PCSK5: variants seen among roughly 807,000 people sequenced by gnomAD.
PCSK5 encodes the protein proprotein convertase subtilisin/kexin type 5.
A neutral mutation model predicts 233.2 loss-of-function variants in PCSK5; 129 were observed. That is an observed-to-expected ratio of 0.55 (90% CI 0.48 to 0.64). The LOEUF (loss-of-function observed/expected upper bound fraction) is 0.64, where lower values mean the gene tolerates loss of function less well. Ranked by LOEUF, PCSK5 falls within the 30% of genes least tolerant of loss-of-function variation. The pLI is 0.00. For synonymous variants in PCSK5, 825 were observed against 879.2 expected, an observed-to-expected ratio of 0.94 and a Z score of 1.09; for missense variants, 2,076 against 2,430.1, an observed-to-expected ratio of 0.85 and a Z score of 3.06.
In PCSK5 at chr9:76,358,978, C is replaced by CA. The variant is rs527381252; in HGVS notation, c.*57dup. 45 of 1,524,826 alleles carry CA rather than the reference C, an allele frequency of 3.0e-5. No individual in the cohort carries two copies. The African/African-American group carries it at 6.1e-4, about 21-fold the overall frequency. The allele number at this position is 1,524,826 out of a possible 1,614,324, so 94.5% of individuals were successfully genotyped here. ...CACTCTCAGGCATGCCTGTGAGCAT[C>CA]ACTGTTTTTGGTTTTATCCCCACAC... On this transcript the variant is annotated 3_prime_UTR_variant, in exon 38 of 38. Transcript: ENST00000674117.
At chr9:76,275,665 T>G (rs935159679) in intron 24 of PCSK5, among the ~76,000 whole-genome samples, 2 of 152,208 alleles carry the variant, frequency 1.3e-5, no homozygotes, top group African/African-American at 4.8e-5. Context: ...TCTCAAGTGA[T>G]CCACCTGCCT....
chr9:76,321,788 T>A, intron 31 of PCSK5, 149 bp downstream of exon 31: 1 of 599,782 alleles, frequency 1.7e-6, no homozygotes, highest in East Asian at 2.8e-5. Flanking sequence ...TCAGAGAAAC[T>A]GAGGGTGAGA....
At chr9:76,351,950 T>C (rs1830178706) in intron 36 of PCSK5, among the ~76,000 whole-genome samples, 1 of 152,086 alleles carries the variant, frequency 6.6e-6, no homozygotes, top group African/African-American at 2.4e-5. Flanking sequence ...TTGTCACTTC[T>C]GTGGTCACCA....
At chr9:76,168,389 C>T (rs1823179554) in intron 12 of PCSK5, among the ~76,000 whole-genome samples, 1 of 152,208 alleles carries the variant, frequency 6.6e-6, no homozygotes, top group Admixed American at 6.5e-5. Flanking sequence ...CTCAGGTGAT[C>T]TGCCCACCTC....
At chr9:76,357,144 C>T (rs1383681631) in intron 37 of PCSK5, among the ~76,000 whole-genome samples, 3 of 152,208 alleles carry the variant, frequency 2.0e-5, no homozygotes, top group African/African-American at 7.2e-5. Context: ...TCTTTCCTTC[C>T]ATGAAACTGT....
rs1260448282 is a variant in PCSK5 at position 76,239,120 on chromosome 9, A to T, written c.3028A>T (p.Ile1010Leu). The change falls in exon 23 of 38, where the codon ATA (isoleucine) becomes TTA (leucine). Residue 1010 changes from isoleucine to leucine, a missense_variant. Physicochemically the swap from Ile to Leu is conservative, Grantham distance 5. Around this residue, in one of 6 missense-constraint regions of PCSK5, gnomAD observed 1,510 missense variants for 1,538.1 expected, o/e 0.98. Coordinates refer to ENST00000674117, the MANE Select transcript of PCSK5 (RefSeq NM_001372043.1). ...CACAAGATGCATGAAGGGCTACTTC[A>T]TAGCGCCCACCAACCACACATGCCA... ...VCTRCMKGYF[I>L]APTNHTCQKL... is the part of the protein sequence containing the mutation. 5 of 1,600,612 alleles carry T rather than the reference A, an allele frequency of 3.1e-6. No homozygotes were observed. The African/African-American group carries it at 6.7e-5, about 21-fold the overall frequency.
intron 11 of PCSK5, 84 bp downstream of exon 11, chr9:76,157,246 A>T (rs1822627456): frequency 1.2e-6 from 1 of 846,592 alleles, no homozygotes; most frequent in African/African-American, 1.7e-5. Context: ...CTCTTGTTGC[A>T]CACAGAAGCT....
chr9:75,913,577 T>C (rs77023000), intron 1 of PCSK5, among the ~76,000 whole-genome samples: 109 of 152,318 alleles, frequency 7.2e-4, no homozygotes, highest in African/African-American at 2.4e-3. Context: ...ATTTATGAGA[T>C]ACCTTCCAAT....
At chr9:76,147,516 A>T (rs1400216438) in intron 10 of PCSK5, among the ~76,000 whole-genome samples, 1 of 152,204 alleles carries the variant, frequency 6.6e-6, no homozygotes, top group African/African-American at 2.4e-5. Context: ...CCAACAATAT[A>T]CCAGCATCAC....
At chr9:75,905,591 G>T (rs1384733482) in intron 1 of PCSK5, among the ~76,000 whole-genome samples, 9 of 152,138 alleles carry the variant, frequency 5.9e-5, no homozygotes, top group African/African-American at 2.2e-4. Context: ...TATTCTGCTT[G>T]AAAGCAGGGA....
intron 10 of PCSK5, among the ~76,000 whole-genome samples, chr9:76,156,695 T>A (rs1463368352): frequency 4.6e-5 from 7 of 152,114 alleles, no homozygotes; most frequent in Admixed American, 1.3e-4. Context: ...CTTGGCCAAG[T>A]TTTTCTGTTC....
At chr9:76,103,129 C>T (rs1481652159) in intron 8 of PCSK5, among the ~76,000 whole-genome samples, 3 of 152,168 alleles carry the variant, frequency 2.0e-5, no homozygotes, top group Non-Finnish European at 4.4e-5. Flanking sequence ...CTTTAGTCTT[C>T]GGTTCTTTTT....
At chr9:76,227,405 C>T (rs759141669) in intron 20 of PCSK5, 98 bp from the exon 21 acceptor site, 40 of 810,514 alleles carry the variant, frequency 4.9e-5, no homozygotes, top group Middle Eastern at 2.2e-4. Context: ...GTCTGCATTG[C>T]TTTCAGGCAG....
chr9:75,900,604 G>A (rs1332701911), intron 1 of PCSK5, among the ~76,000 whole-genome samples: 7 of 150,258 alleles, frequency 4.7e-5, no homozygotes, highest in South Asian at 2.1e-4. Flanking sequence ...GCTTGAGCCC[G>A]GGAGGCTGAG....
chr9:75,916,549 G>A (rs995722706), intron 1 of PCSK5, among the ~76,000 whole-genome samples: 5 of 152,118 alleles, frequency 3.3e-5, no homozygotes, highest in African/African-American at 7.2e-5. Flanking sequence ...TTCGGAAGAA[G>A]TGATATTTGA....
chr9:76,269,832 A>C (rs1431412732), intron 24 of PCSK5, among the ~76,000 whole-genome samples: 1 of 152,214 alleles, frequency 6.6e-6, no homozygotes, highest in Admixed American at 6.5e-5. Flanking sequence ...AGTTTTAAAA[A>C]GGTAGAGCAA....
At chr9:76,169,500 A>G (rs1823235446) in intron 12 of PCSK5, among the ~76,000 whole-genome samples, 1 of 151,580 alleles carries the variant, frequency 6.6e-6, no homozygotes, top group Admixed American at 6.6e-5. Flanking sequence ...GCCAGCCCCA[A>G]TTCTGTTTCT....
intron 24 of PCSK5, among the ~76,000 whole-genome samples, chr9:76,272,813 C>T: frequency 7.0e-6 from 1 of 142,486 alleles, no homozygotes; most frequent in South Asian, 2.3e-4. Context: ...TTCACACTCC[C>T]AAGAATGCCA....
chr9:75,963,501 T>G (rs1303972483), intron 2 of PCSK5, among the ~76,000 whole-genome samples: 1 of 152,224 alleles, frequency 6.6e-6, no homozygotes, highest in Non-Finnish European at 1.5e-5. Context: ...TTTAGCCAAC[T>G]TAAAGAGGTG....
Sources: gnomAD v4.1 joint callset for allele counts (sites outside exome capture counted in the v4.1 genomes callset) on GRCh38, gnomAD v4.1.1 for gene constraint, gnomAD v4.1.1 regional missense constraint, MANE v1.5 for transcripts, NCBI Gene and HGNC (gene_info 2026-07-23, HGNC 2026-07-21) for gene names.